The following TSPEAR variants were observed in gnomAD, a reference collection of about 807,000 sequenced individuals.
TSPEAR encodes the protein thrombospondin-type laminin G domain and EAR repeat-containing protein.
Under a neutral mutation model 71.6 loss-of-function variants are expected in TSPEAR, and 69 were observed. The observed-to-expected ratio is 0.96, with a 90% CI of 0.79 to 1.18. The LOEUF is 1.18. Ranked by LOEUF, TSPEAR falls within the 50% of genes most tolerant of loss-of-function variation. The probability of loss-of-function intolerance (pLI) is 0.00; values close to 1 mark genes in which losing one functional copy is unlikely to be tolerated. For missense variants in TSPEAR, 971 were observed against 894.9 expected, an observed-to-expected ratio of 1.09 and a Z score of -1.09; for synonymous variants, 402 against 387.2, an observed-to-expected ratio of 1.04 and a Z score of -0.45.
intron 1 of TSPEAR, chr21:44,601,200 C>T (rs1373102095): frequency 6.2e-7 from 1 of 1,603,358 alleles, no homozygotes; most frequent in Non-Finnish European, 8.5e-7. Context: ...TCTGTGAGCC[C>T]AGCCCCTGCC....
intron 2 of TSPEAR, among the ~76,000 whole-genome samples, chr21:44,564,449 A>T (rs80185824): frequency 1.7e-4 from 26 of 152,340 alleles, no homozygotes; most frequent in African/African-American, 6.3e-4. Flanking sequence ...GAGATAAACT[A>T]TACAAACAAC....
chr21:44,522,114 T>C lies in TSPEAR; in HGVS notation c.1337-2A>G, dbSNP rs1555914369. 6.2e-7 allele frequency: 1 copy of C among 1,613,690 alleles called. No individual in the cohort carries two copies. The highest frequency in any genetic ancestry group is 1.3e-5 in the African/African-American group (1 of 74,890). On this transcript the variant is annotated splice_acceptor_variant, in intron 8 of 11. Coordinates refer to ENST00000323084, the MANE Select transcript of TSPEAR (RefSeq NM_144991.3). LOFTEE classifies it high-confidence loss of function. ...CACTGTCGATGTTGTGGTTGTCGCC[T>C]GGAACCAAGGGACTGTGCTGGGGGC... is the stretch of plus-strand genomic sequence containing the variant.
At chr21:44,672,763 T>C (rs1986122315) in intron 1 of TSPEAR, among the ~76,000 whole-genome samples, 1 of 152,106 alleles carries the variant, frequency 6.6e-6, no homozygotes, top group African/African-American at 2.4e-5. Context: ...GGGGATTGGA[T>C]CATGGGGGCA....
chr21:44,517,936 G>A (rs2052631747), intron 9 of TSPEAR: 1 of 444,754 alleles, frequency 2.2e-6, no homozygotes, highest in Non-Finnish European at 4.7e-6. Flanking sequence ...TTCCATCACT[G>A]TCCTCACCCT....
At chr21:44,680,322 G>C (rs782070310) in intron 1 of TSPEAR, among the ~76,000 whole-genome samples, 1 of 152,022 alleles carries the variant, frequency 6.6e-6, no homozygotes, top group Non-Finnish European at 1.5e-5. Context: ...GGGAACTTCA[G>C]ATCAAAACTA....
At chr21:44,529,749 G>A (rs782151623) in intron 5 of TSPEAR, 49 bp downstream of exon 5, 11 of 1,606,986 alleles carry the variant, frequency 6.8e-6, no homozygotes, top group South Asian at 1.1e-5. Flanking sequence ...GTGAGGCCAG[G>A]GCTCTCGCAT....
At chr21:44,678,317 C>T (rs587602122) in intron 1 of TSPEAR, among the ~76,000 whole-genome samples, 1 of 151,954 alleles carries the variant, frequency 6.6e-6, no homozygotes, top group South Asian at 2.1e-4. Context: ...TAACACCATC[C>T]CTCTTGGTGG....
chr21:44,508,764 A>G, intron 10 of TSPEAR: 3 of 1,283,228 alleles, frequency 2.3e-6, no homozygotes, highest in African/African-American at 1.5e-5. Flanking sequence ...GTCGGGGAGG[A>G]TGCAACATCG....
intron 1 of TSPEAR, chr21:44,702,928 A>C: frequency 1.8e-6 from 1 of 565,486 alleles, no homozygotes; most frequent in South Asian, 2.0e-5. Context: ...GGCTGACCTC[A>C]TACCCTACAA....
chr21:44,642,362 C>T lies in TSPEAR; in HGVS notation c.82+69071G>A, dbSNP rs587691410. ...CCAGAGATCAGAAGAAGCCAGAGGT[C>T]CTCTGGATTCCTCTAGTAAGACTGG... On this transcript the variant is annotated intron_variant, in intron 1 of 11. Coordinates refer to ENST00000323084, the MANE Select transcript of TSPEAR (RefSeq NM_144991.3). This position sits in a 1 kb window ranked among gnomAD's most constrained non-coding sequence, Gnocchi z 4.1. Among the ~76,000 whole-genome samples the T allele has an allele frequency of 6.6e-6, 1 of 152,262 alleles. No homozygotes were observed. Among genetic ancestry groups the T allele is most frequent in the African/African-American group, 2.4e-5 (1 of 41,534 alleles).
intron 2 of TSPEAR, among the ~76,000 whole-genome samples, chr21:44,563,285 A>G (rs2053662529): frequency 6.6e-6 from 1 of 152,166 alleles, no homozygotes; most frequent in Non-Finnish European, 1.5e-5. Context: ...TAAGTATAAC[A>G]ATATATTGTT....
At chr21:44,685,655 G>A (rs1347782221) in intron 1 of TSPEAR, among the ~76,000 whole-genome samples, 7 of 152,186 alleles carry the variant, frequency 4.6e-5, no homozygotes, top group African/African-American at 1.4e-4. Flanking sequence ...AGACGCCAAC[G>A]TGGCTGATGT....
At chr21:44,627,735 TAAGCCTGTCTGCTGC>T in intron 1 of TSPEAR, 1 of 1,594,556 alleles carries the variant, frequency 6.3e-7, no homozygotes, top group East Asian at 2.2e-5. Context: ...CTGTCTGCTG[TAAGCCTGTCTGCTGC>T]AAACCCATCT....
intron 1 of TSPEAR, chr21:44,686,477 T>G (rs1555948926): frequency 6.7e-6 from 1 of 149,404 alleles, no homozygotes; most frequent in Non-Finnish European, 1.5e-5. Context: ...GCAGCTCTGC[T>G]GTGCCGGCCC....
At chr21:44,591,391 C>G in intron 1 of TSPEAR, 1 of 1,604,042 alleles carries the variant, frequency 6.2e-7, no homozygotes, top group South Asian at 1.1e-5. Context: ...GGGCTGTCAG[C>G]AGCTGGACTT....
intron 1 of TSPEAR, among the ~76,000 whole-genome samples, chr21:44,621,927 T>C (rs1555933556): frequency 6.6e-6 from 1 of 152,164 alleles, no homozygotes; most frequent in Non-Finnish European, 1.5e-5. Flanking sequence ...CTCATGGCCA[T>C]TTGTAGTCAT....
Position 44,512,962 on chromosome 21 carries a change from C to G in TSPEAR, c.1567-3576G>C, listed in dbSNP as rs893939442. On this transcript the variant is annotated intron_variant, in intron 9 of 11. Transcript: ENST00000323084. ...AAGTCACCCTTCTGTTCCCTGTACCCAGCGAGGGTCTGTGCACCAGATTTA... is the reference window on the plus strand; with the variant it reads ...AAGTCACCCTTCTGTTCCCTGTACCGAGCGAGGGTCTGTGCACCAGATTTA... 2.0e-5 allele frequency among the ~76,000 whole-genome samples: 3 copies of G among 152,196 alleles called. No homozygotes were observed. In the South Asian group the frequency reaches 6.2e-4, roughly 31 times the overall value.
Position 44,627,257 on chromosome 21 carries a change from C to T in TSPEAR, c.83-59252G>A, listed in dbSNP as rs201295181. On this transcript the variant is annotated intron_variant, in intron 1 of 11. Transcript: ENST00000323084. The stretch of plus-strand genomic sequence containing the variant: ...GACTGCCCAGAGAGCTGCTGTGAGC[C>T]CCCCTGCTGCGCCACCAGCTGCTGC... The T allele has an allele frequency of 6.8e-6, 11 of 1,612,726 alleles. No individual in the cohort carries two copies. Among genetic ancestry groups the T allele is most frequent in the Middle Eastern group, 4.1e-4 (2 of 4,928 alleles).
intron 1 of TSPEAR, chr21:44,628,017 C>T (rs782353445): frequency 5.0e-6 from 8 of 1,613,000 alleles, no homozygotes; most frequent in African/African-American, 1.3e-5. Flanking sequence ...CGGCCTGCTA[C>T]AGCTTCTCCT....
Sources: gnomAD v4.1 joint callset for allele counts (sites outside exome capture counted in the v4.1 genomes callset) on GRCh38, gnomAD v4.1.1 for gene constraint, Gnocchi (gnomAD v3.1) non-coding constraint, MANE v1.5 for transcripts, NCBI Gene and HGNC (gene_info 2026-07-23, HGNC 2026-07-21) for gene names.